Variants in OR3A2 observed in about 807,000 individuals in gnomAD.
OR3A2 encodes the protein olfactory receptor family 3 subfamily A member 2.
For synonymous variants in OR3A2, 126 were observed against 159.3 expected, an observed-to-expected ratio of 0.79 and a Z score of 1.57; for missense variants, 318 against 392.8, an observed-to-expected ratio of 0.81 and a Z score of 1.61.
intron 3 of OR3A2, among the ~76,000 whole-genome samples, chr17:3,314,358 T>C (rs1319163090): frequency 6.6e-6 from 1 of 152,242 alleles, no homozygotes; most frequent in Non-Finnish European, 1.5e-5. Context: ...TTTTTAACTC[T>C]GCTATGCAAA....
At position 3,329,562 on chromosome 17, in the gene OR3A2, C is replaced by A. The variant is rs947282078; in HGVS notation, c.-85+6471G>T. Among the ~76,000 whole-genome samples, 12 of 116,966 alleles carry A rather than the reference C, an allele frequency of 1.0e-4. 1 individual carries two copies. Among genetic ancestry groups the A allele is most frequent in the African/African-American group, 4.5e-4 (12 of 26,796 alleles). The allele number at this position is 116,966 out of a possible 152,430, so 76.7% of individuals were successfully genotyped here. ...TCTGTGGGATCGGTGGTGATATCCC[C>A]TTTATCATTTTTTATTGCGTCTATT... On this transcript the variant is annotated intron_variant, in intron 3 of 4. Transcript: ENST00000573491.
At chr17:3,296,723 G>A (rs542011483) in intron 3 of OR3A2, among the ~76,000 whole-genome samples, 51 of 152,216 alleles carry the variant, frequency 3.4e-4, no homozygotes, top group African/African-American at 1.1e-3. Flanking sequence ...GTGAAAACTT[G>A]CTCGAGAAAA....
chr17:3,307,226 C>A (rs2049006646), intron 3 of OR3A2, among the ~76,000 whole-genome samples: 1 of 152,218 alleles, frequency 6.6e-6, no homozygotes, highest in African/African-American at 2.4e-5. Flanking sequence ...AATGAGTCTT[C>A]AAGGAGGAAG....
intron 2 of OR3A2, among the ~76,000 whole-genome samples, chr17:3,342,975 C>G (rs1275002372): frequency 6.6e-6 from 1 of 152,224 alleles, no homozygotes; most frequent in East Asian, 1.9e-4. Flanking sequence ...GACGCCCCTC[C>G]TCCAGCCAGG....
intron 3 of OR3A2, among the ~76,000 whole-genome samples, chr17:3,333,493 C>T (rs555940375): frequency 3.3e-5 from 5 of 152,278 alleles, no homozygotes; most frequent in African/African-American, 1.2e-4. Context: ...CATCCCCTCC[C>T]CTTTTGAAAT....
chr17:3,356,746 CAA>C (rs869122846), intron 2 of OR3A2, among the ~76,000 whole-genome samples: 1 of 151,336 alleles, frequency 6.6e-6, no homozygotes, highest in Non-Finnish European at 1.5e-5. Context: ...ACTTAACAGA[CAA>C]AGACTCTATG....
chr17:3,386,086 G>A (rs983323973), intron 1 of OR3A2, 39 bp downstream of exon 1: 1 of 398,696 alleles, frequency 2.5e-6, no homozygotes, highest in Non-Finnish European at 4.4e-6. Flanking sequence ...GAGATCCGAC[G>A]GGGCCCTCCG....
intron 1 of OR3A2, chr17:3,279,143 G>T: frequency 1.4e-6 from 1 of 707,182 alleles, no homozygotes; most frequent in Non-Finnish European, 2.3e-6. Context: ...TAGCTGAAAA[G>T]GTCAGAATAC....
upstream of OR3A2, among the ~76,000 whole-genome samples, chr17:3,285,093 G>A (rs1162028168): frequency 1.3e-5 from 2 of 152,022 alleles, no homozygotes; most frequent in Admixed American, 1.3e-4. Context: ...ATGCTAGCAG[G>A]ACTACTGGGA....
intron 2 of OR3A2, among the ~76,000 whole-genome samples, chr17:3,346,152 A>C (rs2049362231): frequency 6.6e-6 from 1 of 152,174 alleles, no homozygotes; most frequent in Admixed American, 6.5e-5. Flanking sequence ...ACTTAACATA[A>C]TGTCCTCCAT....
rs987624971 is a variant in OR3A2 at position 3,318,951 on chromosome 17, C to T, written c.-85+17082G>A. 6.9e-5 allele frequency among the ~76,000 whole-genome samples: 10 copies of T among 144,310 alleles called. No homozygotes were observed. In the East Asian group the frequency reaches 1.7e-3, roughly 25 times the overall value. 94.7% of individuals were successfully genotyped at this position (144,310 alleles called of 152,430 possible). On this transcript the variant is annotated intron_variant, in intron 3 of 4. Transcript: ENST00000573491. ...TATTTCCTATTGTAGTTTTACTTTGCATTTTTTTTAAATAAACCCTATTCT... is the reference window on the plus strand; with the variant it reads ...TATTTCCTATTGTAGTTTTACTTTGTATTTTTTTTAAATAAACCCTATTCT...
At chr17:3,373,870 T>A (rs569978360) in intron 2 of OR3A2, among the ~76,000 whole-genome samples, 2 of 152,272 alleles carry the variant, frequency 1.3e-5, no homozygotes, top group Admixed American at 6.5e-5. Flanking sequence ...GTTTCTTTTT[T>A]ATTGTGTTAT....
At chr17:3,302,524 T>C (rs1468986986) in intron 3 of OR3A2, among the ~76,000 whole-genome samples, 1 of 152,166 alleles carries the variant, frequency 6.6e-6, no homozygotes, top group African/African-American at 2.4e-5. Flanking sequence ...TGGCTAGCCA[T>C]ATGTAGAAAG....
intron 3 of OR3A2, among the ~76,000 whole-genome samples, chr17:3,316,618 G>A (rs1346608475): frequency 6.6e-6 from 1 of 152,208 alleles, no homozygotes; most frequent in African/African-American, 2.4e-5. Context: ...ACAGTTGAAT[G>A]TAACCCACAG....
intron 2 of OR3A2, among the ~76,000 whole-genome samples, chr17:3,370,189 C>T (rs1045466869): frequency 2.0e-5 from 3 of 152,160 alleles, no homozygotes; most frequent in Admixed American, 6.5e-5. Flanking sequence ...TTTTAAATTA[C>T]TGTTTCAATC....
chr17:3,281,723 C>T (rs982130219), intron 1 of OR3A2, among the ~76,000 whole-genome samples: 1 of 152,136 alleles, frequency 6.6e-6, no homozygotes, highest in East Asian at 1.9e-4. Context: ...TAAAATGACA[C>T]ACAGAAAAGT....
intron 2 of OR3A2, among the ~76,000 whole-genome samples, chr17:3,367,603 A>G (rs11658387): frequency 0.01 from 1,396 of 137,398 alleles, 20 homozygotes; most frequent in Non-Finnish European, 9.8e-3. Context: ...GTGTGTGTGT[A>G]TATATATATA....
exon 2 of OR3A2, chr17:3,278,883 A>G: frequency 4.0e-6 from 6 of 1,518,630 alleles, no homozygotes; most frequent in Non-Finnish European, 5.3e-6. Context: ...GAACTCAGCA[A>G]CAGCGGTCCT....
chr17:3,289,752 G>A (rs1454913157), intron 3 of OR3A2, among the ~76,000 whole-genome samples: 1 of 152,192 alleles, frequency 6.6e-6, no homozygotes, highest in Non-Finnish European at 1.5e-5. Context: ...GGTCAAGCGT[G>A]TCGTGAATGA....
Sources: allele counts gnomAD v4.1 joint callset (sites outside exome capture counted in the v4.1 genomes callset), GRCh38; gene constraint gnomAD v4.1.1; transcripts MANE v1.5; gene names NCBI Gene and HGNC (gene_info 2026-07-23, HGNC 2026-07-21).